Variants in THEMIS observed in about 807,000 individuals in gnomAD.
The protein encoded by THEMIS is thymocyte selection associated.
A neutral mutation model predicts 52.6 loss-of-function variants in THEMIS; 37 were observed. That is an observed-to-expected ratio of 0.70 (90% confidence interval 0.54 to 0.93). The LOEUF (loss-of-function observed/expected upper bound fraction) is 0.93. Among genes scored for constraint, THEMIS ranks in the 40% least tolerant of loss-of-function variants. THEMIS has a pLI of 0.00. For missense variants in THEMIS, 808 were observed against 763.1 expected (o/e 1.06, Z -0.69); for synonymous variants, 292 against 272.7 (o/e 1.07, Z -0.70).
intron 4 of THEMIS, among the ~76,000 whole-genome samples, chr6:127,778,264 T>C (rs1228238458): frequency 6.6e-6 from 1 of 152,092 alleles, no homozygotes; most frequent in Non-Finnish European, 1.5e-5. Context: ...ATCTTCCCTA[T>C]AGCACAGAAT....
chr6:127,807,716 T>A (rs1279684259), intron 4 of THEMIS, among the ~76,000 whole-genome samples: 1 of 152,200 alleles, frequency 6.6e-6, no homozygotes, highest in Non-Finnish European at 1.5e-5. Flanking sequence ...AATGTATTTA[T>A]ACTACATCAG....
intron 1 of THEMIS, among the ~76,000 whole-genome samples, chr6:127,885,072 A>T (rs550205744): frequency 2.0e-5 from 3 of 152,208 alleles, no homozygotes; most frequent in African/African-American, 7.2e-5. Flanking sequence ...TCAACATATA[A>T]ATTGGAGTGG....
At chr6:127,807,994 T>C (rs539516310) in intron 4 of THEMIS, among the ~76,000 whole-genome samples, 11 of 152,260 alleles carry the variant, frequency 7.2e-5, no homozygotes, top group African/African-American at 2.6e-4. Flanking sequence ...TGGTGCAGGA[T>C]TTTTTTCTGC....
At chr6:127,850,839 C>T (rs1276732912) in intron 2 of THEMIS, among the ~76,000 whole-genome samples, 6 of 151,508 alleles carry the variant, frequency 4.0e-5, no homozygotes, top group Non-Finnish European at 7.4e-5. Context: ...CACTAAAGAA[C>T]TTATCCATGT....
chr6:127,788,414 T>G (rs925247668), intron 4 of THEMIS, among the ~76,000 whole-genome samples: 2 of 152,194 alleles, frequency 1.3e-5, no homozygotes, highest in Non-Finnish European at 2.9e-5. Context: ...GGTTGAGGGA[T>G]GAATACAAAG....
At chr6:127,857,491 G>A (rs1317394418) in intron 1 of THEMIS, among the ~76,000 whole-genome samples, 1 of 152,022 alleles carries the variant, frequency 6.6e-6, no homozygotes, top group Non-Finnish European at 1.5e-5. Context: ...GGGAAGTAGA[G>A]GGAGTCCTGA....
intron 1 of THEMIS, among the ~76,000 whole-genome samples, chr6:127,886,510 C>T (rs1469941566): frequency 6.6e-6 from 1 of 152,102 alleles, no homozygotes; most frequent in East Asian, 1.9e-4. Flanking sequence ...ATGCTAACAA[C>T]ATGACTTCTG....
At chr6:127,896,620 T>C (rs967152731) in intron 1 of THEMIS, among the ~76,000 whole-genome samples, 2 of 151,446 alleles carry the variant, frequency 1.3e-5, no homozygotes, top group African/African-American at 4.8e-5. Context: ...ATAAGTTAAT[T>C]CTAAAATGTA....
intron 4 of THEMIS, among the ~76,000 whole-genome samples, chr6:127,774,043 T>G (rs1218051295): frequency 1.3e-4 from 20 of 152,122 alleles, no homozygotes; most frequent in Non-Finnish European, 1.5e-5. Flanking sequence ...GCCTGGCACT[T>G]TGGTGAAGAA....
At chr6:127,713,029 A>G (rs925134668) in intron 5 of THEMIS, among the ~76,000 whole-genome samples, 8 of 151,868 alleles carry the variant, frequency 5.3e-5, no homozygotes, top group Admixed American at 1.3e-4. Context: ...AAATTGCTCA[A>G]TGTGATGGTG....
At chr6:127,724,929 A>G (rs895633806) in intron 4 of THEMIS, among the ~76,000 whole-genome samples, 1 of 152,024 alleles carries the variant, frequency 6.6e-6, no homozygotes, top group Non-Finnish European at 1.5e-5. Flanking sequence ...TACTTTTTCA[A>G]TTTATTCAGA....
intron 3 of THEMIS, among the ~76,000 whole-genome samples, chr6:127,819,058 T>C (rs1191422485): frequency 7.6e-6 from 1 of 132,232 alleles, no homozygotes; most frequent in Admixed American, 9.1e-5. Flanking sequence ...AGGTGGAGGT[T>C]GCAGTGACCC....
intron 1 of THEMIS, among the ~76,000 whole-genome samples, chr6:127,893,027 A>G (rs1780858453): frequency 1.3e-5 from 2 of 152,108 alleles, no homozygotes; most frequent in African/African-American, 2.4e-5. Flanking sequence ...TATATTATGT[A>G]AATATTCCCC....
intron 4 of THEMIS, among the ~76,000 whole-genome samples, chr6:127,769,500 G>A (rs965940657): frequency 1.3e-5 from 2 of 151,922 alleles, no homozygotes; most frequent in African/African-American, 2.4e-5. Context: ...GAAGCAACAC[G>A]CTGAAAGTCA....
intron 3 of THEMIS, among the ~76,000 whole-genome samples, chr6:127,821,160 G>T (rs899397781): frequency 1.3e-5 from 2 of 149,308 alleles, no homozygotes; most frequent in Non-Finnish European, 3.0e-5. Context: ...ATGTGTGTGT[G>T]TGTCTGTGTG....
Position 127,899,668 on chromosome 6 carries a change from C to A in THEMIS, c.91+1174G>T, listed in dbSNP as rs181071594. 3.5e-3 allele frequency among the ~76,000 whole-genome samples: 534 copies of A among 151,694 alleles called. 1 individual carries two copies. Among genetic ancestry groups the A allele is most frequent in the African/African-American group, 0.012 (510 of 41,448 alleles). On this transcript the variant is annotated intron_variant, in intron 1 of 5. Transcript: ENST00000368248. ...TGATAAAAACAACATAGGAAAATAT[C>A]TTTTTAAAGTAGACATAAAGAAAGA... is the stretch of plus-strand genomic sequence containing the variant.
At chr6:127,864,731 T>C (rs113590064) in intron 1 of THEMIS, among the ~76,000 whole-genome samples, 1,985 of 152,174 alleles carry the variant, frequency 0.013, 42 homozygotes, top group African/African-American at 0.045. Flanking sequence ...GTTGAAGGCC[T>C]CCATCAACAC....
At chr6:127,737,732 G>C (rs895844355) in intron 4 of THEMIS, among the ~76,000 whole-genome samples, 4 of 152,106 alleles carry the variant, frequency 2.6e-5, no homozygotes, top group Non-Finnish European at 4.4e-5. Flanking sequence ...TTTGCATTCA[G>C]GAGTCATAAA....
intron 2 of THEMIS, 31 bp from the exon 3 acceptor site, chr6:127,829,965 G>T: frequency 6.6e-7 from 1 of 1,512,790 alleles, no homozygotes; most frequent in Non-Finnish European, 9.0e-7. Flanking sequence ...ATTAAAAAGA[G>T]AGTTCTTACA....
Sources: allele counts gnomAD v4.1 joint callset (sites outside exome capture counted in the v4.1 genomes callset), GRCh38; gene constraint gnomAD v4.1.1; transcripts MANE v1.5; gene names NCBI Gene and HGNC (gene_info 2026-07-23, HGNC 2026-07-21).